Variants in DDX10 observed in about 807,000 individuals in gnomAD.
DDX10 encodes the protein probable ATP-dependent RNA helicase DDX10.
Under a neutral mutation model 104.3 loss-of-function variants are expected in DDX10, and 74 were observed. That is an observed-to-expected ratio of 0.71 (90% CI 0.59 to 0.86). The LOEUF is 0.86. Among genes scored for constraint, DDX10 ranks in the 40% least tolerant of loss-of-function variants. DDX10 has a pLI of 0.00. For synonymous variants in DDX10, 351 were observed against 353.4 expected, an observed-to-expected ratio of 0.99 and a Z score of 0.08; for missense variants, 952 against 1,040.0, an observed-to-expected ratio of 0.92 and a Z score of 1.16.
chr11:108,827,289 C>A (rs1481948913), intron 13 of DDX10, among the ~76,000 whole-genome samples: 1 of 152,126 alleles, frequency 6.6e-6, no homozygotes, highest in Non-Finnish European at 1.5e-5. Flanking sequence ...GAGTTACAGT[C>A]TATTAGGAAA....
intron 13 of DDX10, among the ~76,000 whole-genome samples, chr11:108,787,274 G>GT (rs1176740268): frequency 3.3e-5 from 5 of 152,042 alleles, no homozygotes; most frequent in Non-Finnish European, 7.4e-5. Context: ...TGCCTTTCAG[G>GT]TTTTTTTCTT....
intron 13 of DDX10, among the ~76,000 whole-genome samples, chr11:108,793,619 A>G (rs543515612): frequency 6.6e-6 from 1 of 152,344 alleles, no homozygotes; most frequent in Admixed American, 6.5e-5. Context: ...TTATATGGAA[A>G]TAAAAACATG....
chr11:108,752,395 C>T (rs1412320104), intron 13 of DDX10, among the ~76,000 whole-genome samples: 4 of 152,060 alleles, frequency 2.6e-5, no homozygotes, highest in Non-Finnish European at 5.9e-5. Context: ...CACTTTCTTT[C>T]CTGTGGGATG....
At chr11:108,923,050 T>C (rs1011191949) in intron 17 of DDX10, among the ~76,000 whole-genome samples, 1 of 152,244 alleles carries the variant, frequency 6.6e-6, no homozygotes, top group African/African-American at 2.4e-5. Flanking sequence ...GTATAGGCTG[T>C]GTTTTACTCT....
At chr11:108,911,444 G>A (rs940318696) in intron 16 of DDX10, among the ~76,000 whole-genome samples, 2 of 151,902 alleles carry the variant, frequency 1.3e-5, no homozygotes, top group Non-Finnish European at 2.9e-5. Flanking sequence ...TGTTCTTCAC[G>A]TGATGGAGGG....
intron 13 of DDX10, among the ~76,000 whole-genome samples, chr11:108,724,184 T>G (rs996734738): frequency 1.7e-4 from 26 of 152,056 alleles, no homozygotes; most frequent in African/African-American, 6.0e-4. Context: ...TTCTTACTCT[T>G]TATACAATGT....
chr11:108,780,113 A>G lies in DDX10; in HGVS notation c.1965+56651A>G, dbSNP rs999509275. Among the ~76,000 whole-genome samples the G allele has an allele frequency of 3.9e-5, 6 of 152,198 alleles. 1 individual carries two copies. The highest frequency in any genetic ancestry group is 2.6e-4 in the Admixed American group (4 of 15,260). On this transcript the variant is annotated intron_variant, in intron 13 of 17. Transcript: ENST00000322536. ...CAAAGAGATGGACATTTAATGGTAG[A>G]TGAGGAGATGAAGATAAGGACCATA...
intron 17 of DDX10, among the ~76,000 whole-genome samples, chr11:108,922,959 G>A (rs1264444654): frequency 6.6e-6 from 1 of 152,170 alleles, no homozygotes; most frequent in Non-Finnish European, 1.5e-5. Flanking sequence ...GCTTTCATGT[G>A]CTATTTTTGA....
At chr11:108,687,896 A>G (rs532653161) in intron 6 of DDX10, among the ~76,000 whole-genome samples, 8 of 152,160 alleles carry the variant, frequency 5.3e-5, no homozygotes, top group Non-Finnish European at 1.2e-4. Flanking sequence ...CTTTCACTGT[A>G]AACACAGACA....
intron 15 of DDX10, among the ~76,000 whole-genome samples, chr11:108,848,006 A>T (rs1484803205): frequency 6.6e-6 from 1 of 152,206 alleles, no homozygotes. Context: ...AAGCCATCAG[A>T]CGTTCTTTTA....
chr11:108,733,048 A>G (rs2094314175), intron 13 of DDX10, among the ~76,000 whole-genome samples: 1 of 151,968 alleles, frequency 6.6e-6, no homozygotes, highest in South Asian at 2.1e-4. Flanking sequence ...AATGATACCC[A>G]TAGATTATTC....
chr11:108,764,776 CA>C (rs2094354539), intron 13 of DDX10, among the ~76,000 whole-genome samples: 1 of 151,980 alleles, frequency 6.6e-6, no homozygotes, highest in African/African-American at 2.4e-5. Context: ...TATTTCTCAG[CA>C]TTACTTTCTT....
intron 15 of DDX10, among the ~76,000 whole-genome samples, chr11:108,849,092 C>T (rs1256235033): frequency 6.6e-6 from 1 of 152,012 alleles, no homozygotes; most frequent in Non-Finnish European, 1.5e-5. Flanking sequence ...AAATAGGTAA[C>T]AGATTGGAGA....
intron 13 of DDX10, among the ~76,000 whole-genome samples, chr11:108,752,036 T>TA (rs1269712858): frequency 6.6e-6 from 1 of 152,148 alleles, no homozygotes. Context: ...CAATAAGTGT[T>TA]ATTCATTTTT....
chr11:108,924,386 C>T (rs1351747192), intron 17 of DDX10, among the ~76,000 whole-genome samples: 1 of 152,104 alleles, frequency 6.6e-6, no homozygotes, highest in East Asian at 1.9e-4. Context: ...GGCTATTGTC[C>T]TCATTTAGAC....
At chr11:108,760,689 T>C (rs2094349755) in intron 13 of DDX10, among the ~76,000 whole-genome samples, 1 of 151,954 alleles carries the variant, frequency 6.6e-6, no homozygotes, top group Non-Finnish European at 1.5e-5. Context: ...TTTTTTTTTT[T>C]TTTAAATTGG....
At chr11:108,681,883 A>G (rs1000742485) in intron 6 of DDX10, among the ~76,000 whole-genome samples, 1 of 152,156 alleles carries the variant, frequency 6.6e-6, no homozygotes, top group African/African-American at 2.4e-5. Context: ...TGAAACATTA[A>G]TCATTATGAA....
rs942570773 is a variant in DDX10 at position 108,868,498 on chromosome 11, C to T, written c.2304+16289C>T. On this transcript the variant is annotated intron_variant, in intron 16 of 17. Coordinates refer to ENST00000322536, the MANE Select transcript of DDX10 (RefSeq NM_004398.4). Reference sequence around the variant, plus strand: ...AATGATAACTTACCTTATTATTTGCCACATGCTCAGAATTTTCCATTTCAT... The same window carrying T: ...AATGATAACTTACCTTATTATTTGCTACATGCTCAGAATTTTCCATTTCAT... 3.9e-5 allele frequency among the ~76,000 whole-genome samples: 6 copies of T among 151,988 alleles called. No individual in the cohort carries two copies. The Middle Eastern group carries it at 0.014, about 345-fold the overall frequency.
At chr11:108,882,162 G>C (rs1863235313) in intron 16 of DDX10, among the ~76,000 whole-genome samples, 1 of 152,130 alleles carries the variant, frequency 6.6e-6, no homozygotes, top group African/African-American at 2.4e-5. Flanking sequence ...CCATAAAATA[G>C]ATTAGATAAT....
Sources: allele counts gnomAD v4.1 joint callset (sites outside exome capture counted in the v4.1 genomes callset), GRCh38; gene constraint gnomAD v4.1.1; transcripts MANE v1.5; gene names NCBI Gene and HGNC (gene_info 2026-07-23, HGNC 2026-07-21).